The following CACFD1 variants were observed in gnomAD, a reference collection of about 807,000 sequenced individuals.
CACFD1 encodes calcium channel flower domain containing 1, also known as calcium channel flower homolog.
A neutral mutation model predicts 21.3 loss-of-function variants in CACFD1; 26 were observed. That is an observed-to-expected ratio of 1.22 (90% CI 0.89 to 1.69). The LOEUF is 1.69. CACFD1 is among the 40% of genes most tolerant of loss of function. The pLI, the probability that CACFD1 is intolerant of heterozygous loss-of-function variation, is 0.00. For missense variants in CACFD1, 265 were observed against 236.2 expected, an observed-to-expected ratio of 1.12 and a Z score of -0.80; for synonymous variants, 121 against 106.6, an observed-to-expected ratio of 1.13 and a Z score of -0.83.
Position 133,468,837 on chromosome 9 carries a change from G to A in CACFD1, c.*184G>A. On this transcript the variant is annotated 3_prime_UTR_variant, in exon 5 of 5. Transcript: ENST00000316948. ...AGGAGCCACTGGCTGCTGGTGTGAG[G>A]GTCTGGGCTGCTGGACTTGAGGCAG... 1 of 1,059,848 alleles carries A rather than the reference G, an allele frequency of 9.4e-7. No homozygotes were observed. Among genetic ancestry groups the A allele is most frequent in the Non-Finnish European group, 1.3e-6 (1 of 762,508 alleles). The allele number at this position is 1,059,848 out of a possible 1,614,324, so 65.7% of individuals were successfully genotyped here. A position where few individuals can be genotyped will look rare whatever the true frequency, so the allele number is the denominator to read the frequency against.
At chr9:133,468,132 A>T in intron 4 of CACFD1, 104 bp downstream of exon 4, 1 of 1,082,052 alleles carries the variant, frequency 9.2e-7, no homozygotes, top group Admixed American at 2.2e-5. Context: ...GCTAGTGGAG[A>T]CCGAGGCAGA....
In CACFD1 at chr9:133,460,009, A is replaced by T. The variant is rs1044682733; in HGVS notation, c.-58A>T. The stretch of plus-strand genomic sequence containing the variant: ...CCCACAAGGCAGCGCGCCGGCTCGG[A>T]CGCGGCCGGCTACCGAGCCCTTTGT... On this transcript the variant is annotated 5_prime_UTR_variant, in exon 1 of 5. Transcript: ENST00000316948. 2.7e-6 allele frequency: 4 copies of T among 1,470,410 alleles called. No individual in the cohort carries two copies. The African/African-American group carries it at 5.9e-5, about 22-fold the overall frequency. 91.1% of individuals were successfully genotyped at this position (1,470,410 alleles called of 1,614,324 possible).
chr9:133,463,636 C>T, intron 2 of CACFD1, 81 bp downstream of exon 2: 1 of 1,461,772 alleles, frequency 6.8e-7, no homozygotes, highest in Non-Finnish European at 9.6e-7. Context: ...AGAGGAGTGG[C>T]AGGGGCCGTG....
chr9:133,462,589 G>T (rs782576248), intron 1 of CACFD1, among the ~76,000 whole-genome samples: 5 of 152,240 alleles, frequency 3.3e-5, no homozygotes, highest in Non-Finnish European at 5.9e-5. Context: ...GCCCCCCTCA[G>T]TGATGGCCTG....
At chr9:133,460,468 G>GGC in intron 1 of CACFD1, among the ~76,000 whole-genome samples, 5 of 121,496 alleles carry the variant, frequency 4.1e-5, no homozygotes, top group Non-Finnish European at 9.1e-5. Context: ...CAGGGCGGGG[G>GGC]GGCGGCGGGG....
chr9:133,468,340 A>G, intron 4 of CACFD1: 1 of 1,535,484 alleles, frequency 6.5e-7, no homozygotes, highest in South Asian at 1.2e-5. Context: ...TCTCCTGCAG[A>G]GCCCAGACTG....
At chr9:133,462,798 G>A (rs587616531) in intron 1 of CACFD1, among the ~76,000 whole-genome samples, 1 of 152,348 alleles carries the variant, frequency 6.6e-6, no homozygotes, top group East Asian at 1.9e-4. Context: ...GGTGGAAAAC[G>A]ATGCCCCCTC....
At chr9:133,467,791 C>T in intron 3 of CACFD1, 130 bp from the exon 4 acceptor site, 1 of 651,344 alleles carries the variant, frequency 1.5e-6, no homozygotes, top group Middle Eastern at 4.2e-4. Flanking sequence ...AGCTGTGTCT[C>T]AGTTGATTTT....
Position 133,460,088 on chromosome 9 carries a change from C to G in CACFD1, c.22C>G (p.Pro8Ala). ...CACCATGAGCAGCTCAGGTGGGGCG[C>G]CCGGGGCGTCCGCCAGCTCTGCGCC... MSSSGGAPGASASSAPPA... is the reference protein window; with the variant it reads MSSSGGAAGASASSAPPA... The change falls in exon 1 of 5, where the codon CCC (proline) becomes GCC (alanine). Residue 8 changes from proline (P) to alanine (A), a missense_variant. Physicochemically the swap from Pro to Ala is conservative, Grantham distance 27. Coordinates refer to ENST00000316948, the MANE Select transcript of CACFD1 (RefSeq NM_017586.5). 6.4e-7 allele frequency: 1 copy of G among 1,562,664 alleles called. No individual in the cohort carries two copies. Among genetic ancestry groups the G allele is most frequent in the Non-Finnish European group, 8.7e-7 (1 of 1,153,598 alleles).
chr9:133,467,599 T>A (rs75773177), intron 3 of CACFD1, among the ~76,000 whole-genome samples: 1 of 152,330 alleles, frequency 6.6e-6, no homozygotes, highest in African/African-American at 2.4e-5. Flanking sequence ...GGAAGCCAGA[T>A]TCTCTGTCAC....
rs782043605 is a variant in CACFD1, at chr9:133,468,560, C to T, written c.429-3C>T. ...ACGTGACGCTGCCTCTCTCTCTCCC[C>T]AGGGGCGATGCGATCTCCTATGCCA... On this transcript the variant is annotated splice_polypyrimidine_tract_variant and splice_region_variant and intron_variant, in intron 4 of 4. Coordinates refer to ENST00000316948, the MANE Select transcript of CACFD1 (RefSeq NM_017586.5). 1.9e-6 allele frequency: 3 copies of T among 1,575,788 alleles called. No individual in the cohort carries two copies. Among genetic ancestry groups the T allele is most frequent in the East Asian group, 4.6e-5 (2 of 43,684 alleles).
rs1226354148 is a variant in CACFD1 at position 133,463,688 on chromosome 9, C to G, written c.194+133C>G. The G allele has an allele frequency of 3.4e-6, 3 of 870,250 alleles. No individual in the cohort carries two copies. In the African/African-American group the frequency reaches 4.9e-5, roughly 14 times the overall value. 53.9% of individuals were successfully genotyped at this position (870,250 alleles called of 1,614,324 possible). On this transcript the variant is annotated intron_variant, in intron 2 of 4. Transcript: ENST00000316948. ...TGGTTGCCATGGCTACTGGCTCCAG[C>G]CTGGGTGCCTCGGGCATGTGAGTTT... is the stretch of plus-strand genomic sequence containing the variant.
At position 133,465,472 on chromosome 9, in the gene CACFD1, C is replaced by A; in HGVS notation, c.320+25C>A. 6.3e-7 allele frequency: 1 copy of A among 1,587,224 alleles called. No individual in the cohort carries two copies. The highest frequency in any genetic ancestry group is 1.2e-5 in the South Asian group (1 of 86,628). On this transcript the variant is annotated intron_variant, in intron 3 of 4. Coordinates refer to ENST00000316948, the MANE Select transcript of CACFD1 (RefSeq NM_017586.5). The surrounding 1 kb of genome is among the most constrained non-coding windows in gnomAD (Gnocchi z 5.0). Reference sequence around the variant, plus strand: ...GGTGAGGGGTTGCTGGGCAGGGTCCCGTGACACAGTTCCCCAAAACCCCAC... The same window carrying A: ...GGTGAGGGGTTGCTGGGCAGGGTCCAGTGACACAGTTCCCCAAAACCCCAC...
At chr9:133,462,351 T>C (rs888725609) in intron 1 of CACFD1, 2 of 1,214,412 alleles carry the variant, frequency 1.6e-6, no homozygotes, top group African/African-American at 1.6e-5. Context: ...AAGGCTGTGC[T>C]GAGGAGCAGT....
chr9:133,461,583 C>T (rs1843221054), intron 1 of CACFD1, among the ~76,000 whole-genome samples: 1 of 152,184 alleles, frequency 6.6e-6, no homozygotes, highest in Non-Finnish European at 1.5e-5. Context: ...TAGGCCACAC[C>T]TCCTTCCTTC....
chr9:133,460,267 G>T, intron 1 of CACFD1, 80 bp downstream of exon 1: 1 of 1,307,642 alleles, frequency 7.6e-7, no homozygotes, highest in East Asian at 3.1e-5. Flanking sequence ...CCGCCCCGGC[G>T]GCCCCAGGGG....
chr9:133,460,002 G>A lies in CACFD1; in HGVS notation c.-65G>A. The A allele has an allele frequency of 2.7e-6, 4 of 1,462,430 alleles. No homozygotes were observed. The African/African-American group carries it at 4.4e-5, about 16-fold the overall frequency. 90.6% of individuals were successfully genotyped at this position (1,462,430 alleles called of 1,614,324 possible). A position where few individuals can be genotyped will look rare whatever the true frequency, so the allele number is the denominator to read the frequency against. On this transcript the variant is annotated 5_prime_UTR_variant, in exon 1 of 5. Transcript: ENST00000316948. ...TCCCTCTCCCACAAGGCAGCGCGCCGGCTCGGACGCGGCCGGCTACCGAGC... is the reference window on the plus strand; with the variant it reads ...TCCCTCTCCCACAAGGCAGCGCGCCAGCTCGGACGCGGCCGGCTACCGAGC...
chr9:133,463,487 C>A lies in CACFD1; in HGVS notation c.126C>A (p.Cys42Ter). ...GCCCGTGTCTCTTGTTTCAAGCTTG[C>A]GCGATCTCTGGCCTCTTCAACTGCA... ...RLSGVLGAVS[C>*]AISGLFNCIT... is the part of the protein sequence containing the mutation. Residue 42 changes from cysteine to a stop codon, truncating the protein, a stop_gained, in exon 2 of 5, where the codon TGC (cysteine) becomes TGA (stop). Coordinates refer to ENST00000316948, the MANE Select transcript of CACFD1 (RefSeq NM_017586.5). LOFTEE classifies it high-confidence loss of function. 5 of 1,614,048 alleles carry A rather than the reference C, an allele frequency of 3.1e-6. No individual in the cohort carries two copies. Among genetic ancestry groups the A allele is most frequent in the African/African-American group, 1.3e-5 (1 of 75,076 alleles).
In CACFD1 at chr9:133,468,897, T is replaced by C. The variant is rs587645650; in HGVS notation, c.*244T>C. ...CAGCTGTGTGGACACTACCCAGCCC[T>C]ACTCCTCTGCTGGGTGGGTCTGCAG... On this transcript the variant is annotated 3_prime_UTR_variant, in exon 5 of 5. Transcript: ENST00000316948. 5 of 574,708 alleles carry C rather than the reference T, an allele frequency of 8.7e-6. No homozygotes were observed. Among genetic ancestry groups the C allele is most frequent in the African/African-American group, 3.8e-5 (2 of 52,708 alleles). The allele number at this position is 574,708 out of a possible 1,614,324, so 35.6% of individuals were successfully genotyped here.
Sources: allele counts gnomAD v4.1 joint callset (sites outside exome capture counted in the v4.1 genomes callset), GRCh38; gene constraint gnomAD v4.1.1; non-coding constraint Gnocchi (gnomAD v3.1); transcripts MANE v1.5; gene names NCBI Gene and HGNC (gene_info 2026-07-23, HGNC 2026-07-21).